Variants in TTC28 observed in about 807,000 individuals in gnomAD.
TTC28 encodes the protein tetratricopeptide repeat domain 28.
TTC28 carries 61 observed loss-of-function variants against 198.0 expected under a neutral mutation model. The observed-to-expected ratio is 0.31, with a 90% CI of 0.25 to 0.38. The LOEUF is 0.38. TTC28 is among the 10% of genes least tolerant of loss of function. The pLI, the probability that TTC28 is intolerant of heterozygous loss-of-function variation, is 1.00. For synonymous variants in TTC28, 1,171 were observed against 1,297.8 expected (o/e 0.90, Z 2.10); for missense variants, 2,678 against 3,164.0 (o/e 0.85, Z 3.69).
intron 2 of TTC28, among the ~76,000 whole-genome samples, chr22:28,350,179 C>A (rs891097325): frequency 6.6e-6 from 1 of 152,156 alleles, no homozygotes; most frequent in South Asian, 2.1e-4. Context: ...AAGAGCAGTA[C>A]TGAAGAGGCA....
chr22:28,046,610 T>A (rs1325545815), intron 12 of TTC28, among the ~76,000 whole-genome samples: 1 of 152,174 alleles, frequency 6.6e-6, no homozygotes, highest in African/African-American at 2.4e-5. Flanking sequence ...CCCTCTCTCC[T>A]CCCACAAAGT....
At chr22:28,387,950 T>A (rs2046639966) in intron 2 of TTC28, among the ~76,000 whole-genome samples, 1 of 152,134 alleles carries the variant, frequency 6.6e-6, no homozygotes, top group African/African-American at 2.4e-5. Flanking sequence ...AATGCCTAGG[T>A]TTTCTTCTAG....
intron 2 of TTC28, among the ~76,000 whole-genome samples, chr22:28,552,909 G>A (rs1260069448): frequency 2.0e-5 from 3 of 152,030 alleles, no homozygotes; most frequent in Non-Finnish European, 2.9e-5. Flanking sequence ...GCCTCAGCCT[G>A]TCGAGTGCCT....
At chr22:28,341,450 G>T (rs2045827779) in intron 2 of TTC28, among the ~76,000 whole-genome samples, 1 of 152,048 alleles carries the variant, frequency 6.6e-6, no homozygotes, top group Non-Finnish European at 1.5e-5. Context: ...TCAGGAATTT[G>T]AGACCAGCCT....
chr22:28,103,540 CAG>C (rs1170259077), intron 8 of TTC28, among the ~76,000 whole-genome samples: 1 of 152,158 alleles, frequency 6.6e-6, no homozygotes, highest in Admixed American at 6.5e-5. Flanking sequence ...AGACCTAACT[CAG>C]AGCATTCGGA....
At chr22:28,001,715 A>G (rs1337525534) in intron 14 of TTC28, 162 bp from the exon 15 acceptor site, 7 of 790,706 alleles carry the variant, frequency 8.9e-6, no homozygotes, top group Non-Finnish European at 1.4e-5. Context: ...GCAGCCCTGC[A>G]GGAGCGGCAC....
intron 13 of TTC28, among the ~76,000 whole-genome samples, chr22:28,014,644 A>G (rs1188338890): frequency 1.3e-5 from 2 of 152,238 alleles, no homozygotes; most frequent in African/African-American, 4.8e-5. Context: ...GTTTTTCTAC[A>G]TAATCAAATG....
intron 3 of TTC28, among the ~76,000 whole-genome samples, chr22:28,299,118 T>G (rs1237821034): frequency 1.3e-5 from 2 of 152,146 alleles, no homozygotes; most frequent in Admixed American, 1.3e-4. Flanking sequence ...CCCAATTCTT[T>G]TTTTCTTTAA....
At chr22:28,174,323 G>C (rs563501950) in intron 5 of TTC28, among the ~76,000 whole-genome samples, 1 of 152,230 alleles carries the variant, frequency 6.6e-6, no homozygotes, top group Admixed American at 6.5e-5. Context: ...AAAAATTTTA[G>C]ATTTTAGTTT....
intron 2 of TTC28, among the ~76,000 whole-genome samples, chr22:28,575,953 A>C (rs1222081425): frequency 6.6e-6 from 1 of 152,170 alleles, no homozygotes; most frequent in Admixed American, 6.6e-5. Context: ...AAAAACAGAT[A>C]ATTTGACTTA....
intron 2 of TTC28, among the ~76,000 whole-genome samples, chr22:28,463,656 G>A (rs1245444942): frequency 2.0e-5 from 3 of 151,966 alleles, no homozygotes; most frequent in African/African-American, 7.3e-5. Context: ...GCAAACTATG[G>A]CAAGGACAAA....
chr22:28,197,798 C>T (rs563279313), intron 5 of TTC28, among the ~76,000 whole-genome samples: 4 of 151,880 alleles, frequency 2.6e-5, no homozygotes, highest in Admixed American at 6.6e-5. Flanking sequence ...GAGGATCTTT[C>T]GAGGAAAGGA....
chr22:27,999,240 C>A lies in TTC28; in HGVS notation c.4419G>T (p.Pro1473=), dbSNP rs1282362412. The A allele has an allele frequency of 7.7e-6, 12 of 1,549,698 alleles. No homozygotes were observed. The highest frequency in any genetic ancestry group is 1.0e-5 in the Non-Finnish European group (12 of 1,146,266). Residue 1473 remains proline (P), a synonymous_variant, in exon 16 of 23, where the codon CCG becomes CCT. Transcript: ENST00000397906. ...VQSKSHLRKN[P]PTYSSSTSMA... ...TGGATGTGGAGCTGGAGTATGTGGG[C>A]GGGTTCTTCCGTAAGTGAGACTAGG...
chr22:28,419,178 T>G (rs771714205), intron 2 of TTC28, among the ~76,000 whole-genome samples: 56 of 152,296 alleles, frequency 3.7e-4, no homozygotes, highest in Non-Finnish European at 6.2e-4. Flanking sequence ...TATAACTCTC[T>G]GAAACTGCAA....
At chr22:28,211,186 T>C (rs532427571) in intron 5 of TTC28, among the ~76,000 whole-genome samples, 1 of 152,186 alleles carries the variant, frequency 6.6e-6, no homozygotes, top group South Asian at 2.1e-4. Flanking sequence ...ACATGCCAAA[T>C]TGTAAAGACC....
intron 14 of TTC28, among the ~76,000 whole-genome samples, chr22:28,004,638 A>T (rs1413488456): frequency 6.6e-6 from 1 of 152,188 alleles, no homozygotes; most frequent in Non-Finnish European, 1.5e-5. Flanking sequence ...TGACAGTCGC[A>T]GCTGTTCTCT....
chr22:28,305,964 G>GT (rs1258383306), intron 3 of TTC28, among the ~76,000 whole-genome samples: 2 of 151,876 alleles, frequency 1.3e-5, no homozygotes, highest in African/African-American at 4.8e-5. Context: ...TATCTGTCTT[G>GT]TTTTTTTCTT....
chr22:28,108,338 T>G lies in TTC28; in HGVS notation c.1507A>C (p.Ile503Leu), dbSNP rs375998909. 6 of 1,509,478 alleles carry G rather than the reference T, an allele frequency of 4.0e-6. No individual in the cohort carries two copies. The highest frequency in any genetic ancestry group is 3.6e-6 in the Non-Finnish European group (4 of 1,121,608). The allele number at this position is 1,509,478 out of a possible 1,614,324, so 93.5% of individuals were successfully genotyped here. ...GCATAATCACTCAGCTCCTGGGCAA[T>G]GCACAGGTGGGTCTTGTGGAGTTTC... is the stretch of plus-strand genomic sequence containing the variant. The part of the protein sequence containing the change: ...ALKLHKTHLC[I>L]AQELSDYAAQ... The change falls in exon 7 of 23, where the codon ATT (isoleucine) becomes CTT (leucine). Residue 503 changes from isoleucine (I) to leucine (L), a missense_variant. Transcript: ENST00000397906.
At chr22:28,207,208 G>C (rs1433764671) in intron 5 of TTC28, among the ~76,000 whole-genome samples, 1 of 148,002 alleles carries the variant, frequency 6.8e-6, no homozygotes, top group Non-Finnish European at 1.5e-5. Context: ...TTGATTTCAA[G>C]GGGGCTAAGC....
Sources: allele counts gnomAD v4.1 joint callset (sites outside exome capture counted in the v4.1 genomes callset), GRCh38; gene constraint gnomAD v4.1.1; transcripts MANE v1.5; gene names NCBI Gene and HGNC (gene_info 2026-07-23, HGNC 2026-07-21).